The following CTDSPL variants were observed in gnomAD, a reference collection of about 807,000 sequenced individuals.
The protein encoded by CTDSPL is CTD small phosphatase like.
CTDSPL carries 8 observed loss-of-function variants against 30.5 expected under a neutral mutation model. That is an observed-to-expected ratio of 0.26 (90% CI 0.15 to 0.47). The LOEUF (loss-of-function observed/expected upper bound fraction) is 0.47. CTDSPL is among the 20% of genes least tolerant of loss of function. The probability of loss-of-function intolerance (pLI) is 0.99; values close to 1 mark genes in which losing one functional copy is unlikely to be tolerated. For missense variants in CTDSPL, 248 were observed against 366.1 expected (o/e 0.68, Z 2.63); for synonymous variants, 110 against 137.9 (o/e 0.80, Z 1.42).
Position 37,975,680 on chromosome 3 carries a change from C to A in CTDSPL, c.520-29C>A, listed in dbSNP as rs772765399. ...GGTTTGGGGGGCTCTTTTAAACACCCAGCCTTCATTGTGACACGTCTTTTC... is the reference window on the plus strand; with the variant it reads ...GGTTTGGGGGGCTCTTTTAAACACCAAGCCTTCATTGTGACACGTCTTTTC... On this transcript the variant is annotated intron_variant, in intron 6 of 7. Transcript: ENST00000273179. This position sits in a 1 kb window ranked among gnomAD's most constrained non-coding sequence, Gnocchi z 4.9. The A allele has an allele frequency of 6.3e-7, 1 of 1,578,594 alleles. No homozygotes were observed. The highest frequency in any genetic ancestry group is 1.8e-5 in the Admixed American group (1 of 57,074).
Position 37,940,206 on chromosome 3 carries a change from G to C in CTDSPL, c.80-6851G>C, listed in dbSNP as rs75773395. 2.0e-5 allele frequency among the ~76,000 whole-genome samples: 3 copies of C among 150,482 alleles called. 1 individual carries two copies. The highest frequency in any genetic ancestry group is 4.5e-5 in the Non-Finnish European group (3 of 67,136). On this transcript the variant is annotated intron_variant, in intron 1 of 7. Transcript: ENST00000273179. ...CTTTCCCATCCTAACAAGACTCATT[G>C]TATACCAGAAGTACATATTCAAATG...
chr3:37,909,865 G>A (rs373428379), intron 1 of CTDSPL, among the ~76,000 whole-genome samples: 36 of 152,306 alleles, frequency 2.4e-4, no homozygotes, highest in African/African-American at 8.7e-4. Flanking sequence ...TAATGTAAAG[G>A]TGTGTTGATT....
intron 1 of CTDSPL, among the ~76,000 whole-genome samples, chr3:37,931,152 T>C (rs1698851010): frequency 6.6e-6 from 1 of 151,862 alleles, no homozygotes; most frequent in African/African-American, 2.4e-5. Flanking sequence ...TGTCTTTTTT[T>C]TTTTTTTTCC....
At chr3:37,967,988 G>A in intron 5 of CTDSPL, 106 bp downstream of exon 5, 1 of 744,798 alleles carries the variant, frequency 1.3e-6, no homozygotes, top group Non-Finnish European at 2.2e-6. Flanking sequence ...CTTTATTACG[G>A]AATCAAAAGG....
At position 37,975,746 on chromosome 3, in the gene CTDSPL, G is replaced by A; in HGVS notation, c.557G>A (p.Gly186Asp). 1.2e-6 allele frequency: 2 copies of A among 1,614,106 alleles called. No homozygotes were observed. Among genetic ancestry groups the A allele is most frequent in the East Asian group, 2.2e-5 (1 of 44,884 alleles). ...DPVADLLDRW[G>D]VFRARLFRES... Reference sequence around the variant, plus strand: ...GTGGCTGACCTCCTAGACCGCTGGGGTGTGTTCCGGGCCCGGCTCTTCAGA... The same window carrying A: ...GTGGCTGACCTCCTAGACCGCTGGGATGTGTTCCGGGCCCGGCTCTTCAGA... The change falls in exon 7 of 8, where the codon GGT becomes GAT. Residue 186 changes from glycine (G) to aspartate (D), a missense_variant. Physicochemically the swap from Gly to Asp is moderately conservative, Grantham distance 94. Transcript: ENST00000273179. This position sits in a 1 kb window ranked among gnomAD's most constrained non-coding sequence, Gnocchi z 4.9.
chr3:37,972,715 G>A (rs1482609402), intron 6 of CTDSPL, among the ~76,000 whole-genome samples: 3 of 152,222 alleles, frequency 2.0e-5, no homozygotes, highest in African/African-American at 7.2e-5. Context: ...GTGTGGGGCA[G>A]GCAGGGTAGG....
Position 37,975,954 on chromosome 3 carries a change from C to A in CTDSPL, c.705+60C>A. 5.2e-6 allele frequency: 8 copies of A among 1,552,352 alleles called. No homozygotes were observed. The South Asian group carries it at 9.4e-5, about 18-fold the overall frequency. On this transcript the variant is annotated intron_variant, in intron 7 of 7. Transcript: ENST00000273179. This position sits in a 1 kb window ranked among gnomAD's most constrained non-coding sequence, Gnocchi z 4.9. The stretch of plus-strand genomic sequence containing the variant: ...CATCTGAGCCCTCTGTCTTGCCAGG[C>A]AGGTACCACTTTTGAGCACCTACAC...
chr3:37,869,046 C>A (rs1416343107), intron 1 of CTDSPL, among the ~76,000 whole-genome samples: 1 of 142,926 alleles, frequency 7.0e-6, no homozygotes, highest in Non-Finnish European at 1.5e-5. Flanking sequence ...CACAGTACGT[C>A]TCTCTATTTA....
chr3:37,916,094 G>T (rs2125608004), intron 1 of CTDSPL, among the ~76,000 whole-genome samples: 1 of 152,272 alleles, frequency 6.6e-6, no homozygotes, highest in South Asian at 2.1e-4. Flanking sequence ...CTCACAAGCT[G>T]TCCAAAGTGC....
intron 1 of CTDSPL, among the ~76,000 whole-genome samples, chr3:37,890,831 T>C (rs959637863): frequency 6.6e-6 from 1 of 152,102 alleles, no homozygotes; most frequent in Non-Finnish European, 1.5e-5. Flanking sequence ...AGTGTATACC[T>C]AATAACAGGA....
rs1390697637 is a variant in CTDSPL at position 37,982,002 on chromosome 3, G to A, written c.*1135G>A. 7.0e-6 allele frequency: 3 copies of A among 425,784 alleles called. No homozygotes were observed. The highest frequency in any genetic ancestry group is 5.0e-5 in the Admixed American group (2 of 39,706). The allele number at this position is 425,784 out of a possible 1,614,324, so 26.4% of individuals were successfully genotyped here. ...AACAGAGGTGTCCCATCCCATTGCA[G>A]CCTCCACCACCTGTAACCCCTTCCT... On this transcript the variant is annotated 3_prime_UTR_variant, in exon 8 of 8. Coordinates refer to ENST00000273179, the MANE Select transcript of CTDSPL (RefSeq NM_001008392.2).
chr3:37,886,375 A>T (rs1698263511), intron 1 of CTDSPL, among the ~76,000 whole-genome samples: 2 of 151,968 alleles, frequency 1.3e-5, no homozygotes, highest in Non-Finnish European at 2.9e-5. Context: ...TCCCCTCACT[A>T]GGATGTCTGC....
chr3:37,935,172 T>G (rs1698900918), intron 1 of CTDSPL, among the ~76,000 whole-genome samples: 1 of 152,270 alleles, frequency 6.6e-6, no homozygotes. Flanking sequence ...GCATGAATAC[T>G]TCATAGTCTT....
chr3:37,938,045 C>T (rs1190221078), intron 1 of CTDSPL, among the ~76,000 whole-genome samples: 1 of 150,344 alleles, frequency 6.7e-6, no homozygotes, highest in Non-Finnish European at 1.5e-5. Context: ...GTAGTTTCTT[C>T]ACTTGAGGAG....
intron 1 of CTDSPL, among the ~76,000 whole-genome samples, chr3:37,926,965 T>A (rs1698788267): frequency 6.6e-6 from 1 of 152,214 alleles, no homozygotes; most frequent in Non-Finnish European, 1.5e-5. Flanking sequence ...TACTACTTAG[T>A]GCATCATTGG....
At chr3:37,909,343 TA>T (rs1698553888) in intron 1 of CTDSPL, among the ~76,000 whole-genome samples, 1 of 152,220 alleles carries the variant, frequency 6.6e-6, no homozygotes, top group Admixed American at 6.5e-5. Context: ...AACACTGGCA[TA>T]GCAGATGCCC....
intron 1 of CTDSPL, among the ~76,000 whole-genome samples, chr3:37,878,212 A>G (rs769064681): frequency 6.6e-6 from 1 of 151,754 alleles, no homozygotes; most frequent in Non-Finnish European, 1.5e-5. Flanking sequence ...CCAGTTTATC[A>G]TTTTTTTTCT....
intron 1 of CTDSPL, among the ~76,000 whole-genome samples, chr3:37,892,509 ACTC>A (rs1238015501): frequency 6.6e-6 from 1 of 151,966 alleles, no homozygotes; most frequent in Non-Finnish European, 1.5e-5. Flanking sequence ...CTATGCATTT[ACTC>A]CTCCAATAAA....
chr3:37,888,467 C>G (rs992047918), intron 1 of CTDSPL, among the ~76,000 whole-genome samples: 2 of 152,100 alleles, frequency 1.3e-5, no homozygotes, highest in Non-Finnish European at 2.9e-5. Context: ...CTCCAAATTC[C>G]AAGTACAGGA....
Sources: gnomAD v4.1 joint callset for allele counts (sites outside exome capture counted in the v4.1 genomes callset) on GRCh38, gnomAD v4.1.1 for gene constraint, Gnocchi (gnomAD v3.1) non-coding constraint, MANE v1.5 for transcripts, NCBI Gene and HGNC (gene_info 2026-07-23, HGNC 2026-07-21) for gene names.